FAM83B: variants seen among roughly 807,000 people sequenced by gnomAD.
FAM83B encodes scaffolding CK1 anchoring protein B, also known as protein FAM83B.
Under a neutral mutation model 38.8 loss-of-function variants are expected in FAM83B, and 26 were observed. The ratio of observed to expected loss-of-function variants is 0.67; its 90% CI spans 0.49 to 0.93. FAM83B has a LOEUF of 0.93. Ranked by LOEUF, FAM83B falls within the 40% of genes least tolerant of loss-of-function variation. FAM83B has a pLI of 0.00. For missense variants in FAM83B, 1,237 were observed against 1,197.3 expected, an observed-to-expected ratio of 1.03 and a Z score of -0.49; for synonymous variants, 419 against 423.1, an observed-to-expected ratio of 0.99 and a Z score of 0.12.
chr6:54,879,501 G>A (rs769331967), intron 2 of FAM83B, among the ~76,000 whole-genome samples: 4 of 152,154 alleles, frequency 2.6e-5, no homozygotes, highest in Non-Finnish European at 4.4e-5. Flanking sequence ...AAGGGGTCAC[G>A]TAGGAGGTCC....
At chr6:54,935,522 G>A (rs1461909775) in intron 4 of FAM83B, among the ~76,000 whole-genome samples, 2 of 152,124 alleles carry the variant, frequency 1.3e-5, no homozygotes, top group African/African-American at 4.8e-5. Flanking sequence ...AAAGGCCAGT[G>A]TGGTAGGACC....
intron 2 of FAM83B, among the ~76,000 whole-genome samples, chr6:54,915,453 G>T (rs894704896): frequency 2.6e-5 from 4 of 152,008 alleles, no homozygotes. Context: ...CGCCATCCAC[G>T]TTGGCATCTC....
At position 54,870,587 on chromosome 6, in the gene FAM83B, G is replaced by A. The variant is rs541818454; in HGVS notation, c.341G>A (p.Gly114Glu). 3 of 1,613,946 alleles carry A rather than the reference G, an allele frequency of 1.9e-6. No homozygotes were observed. Among genetic ancestry groups the A allele is most frequent in the South Asian group, 2.2e-5 (2 of 91,082 alleles). ...TTAGGCTGGCCATATGTGATGCCCG[G>A]ACTCTTAGGGGGCACCCATATAGAT... is the stretch of plus-strand genomic sequence containing the variant. ...LDLGWPYVMP[G>E]LLGGTHIDLL... Residue 114 changes from glycine to glutamate, a missense_variant, in exon 2 of 5, where the codon GGA becomes GAA. Physicochemically the swap from Gly to Glu is moderately conservative, Grantham distance 98. Coordinates refer to ENST00000306858, the MANE Select transcript of FAM83B (RefSeq NM_001010872.3).
chr6:54,873,675 A>G (rs1771918974), intron 2 of FAM83B, among the ~76,000 whole-genome samples: 1 of 145,488 alleles, frequency 6.9e-6, no homozygotes, highest in Non-Finnish European at 1.5e-5. Context: ...GATAATGTAT[A>G]TTTTAATGGA....
In FAM83B at chr6:54,940,835, G is replaced by A; in HGVS notation, c.1864G>A (p.Val622Ile). 3 of 1,613,980 alleles carry A rather than the reference G, an allele frequency of 1.9e-6. No homozygotes were observed. The highest frequency in any genetic ancestry group is 2.5e-6 in the Non-Finnish European group (3 of 1,179,992). The change falls in exon 5 of 5, where the codon GTA becomes ATA. Residue 622 changes from valine (V) to isoleucine (I), a missense_variant. Transcript: ENST00000306858. ...CTTGCAGGTTCCTGAAAACCACTCA[G>A]TAGCCTTAAACCAAACTACAAATGG... ...HTLQVPENHS[V>I]ALNQTTNGHT...
At chr6:54,881,559 C>A (rs1772132543) in intron 2 of FAM83B, among the ~76,000 whole-genome samples, 1 of 151,516 alleles carries the variant, frequency 6.6e-6, no homozygotes, top group South Asian at 2.1e-4. Context: ...AATCTATAAT[C>A]ATAAAAAAAA....
chr6:54,855,276 G>T (rs1771422540), intron 1 of FAM83B, among the ~76,000 whole-genome samples: 1 of 152,120 alleles, frequency 6.6e-6, no homozygotes, highest in Non-Finnish European at 1.5e-5. Context: ...CTCTCATGCA[G>T]AAAAGTTCAG....
chr6:54,893,006 T>C (rs1772441365), intron 2 of FAM83B, among the ~76,000 whole-genome samples: 1 of 152,060 alleles, frequency 6.6e-6, no homozygotes, highest in African/African-American at 2.4e-5. Context: ...ATATAGAGGC[T>C]GTTGGGGTGA....
Position 54,941,503 on chromosome 6 carries a change from G to A in FAM83B, c.2532G>A (p.Lys844=), listed in dbSNP as rs1773693616. The change falls in exon 5 of 5, where the codon AAG becomes AAA. Residue 844 remains lysine, a synonymous_variant. Coordinates refer to ENST00000306858, the MANE Select transcript of FAM83B (RefSeq NM_001010872.3). ...SSSNSQGSIH[K]SKEDVTVSPS... is the part of the protein sequence containing the mutation. ...CGAATTCTCAAGGCAGCATCCACAAGAGTAAGGAAGATGTAACAGTTAGCC... is the reference window on the plus strand; with the variant it reads ...CGAATTCTCAAGGCAGCATCCACAAAAGTAAGGAAGATGTAACAGTTAGCC... 1.2e-6 allele frequency: 2 copies of A among 1,613,888 alleles called. No individual in the cohort carries two copies. The highest frequency in any genetic ancestry group is 2.7e-5 in the African/African-American group (2 of 74,910).
chr6:54,907,417 T>C (rs937512785), intron 2 of FAM83B, among the ~76,000 whole-genome samples: 2 of 148,670 alleles, frequency 1.3e-5, no homozygotes, highest in African/African-American at 2.5e-5. Context: ...ATTCAGTGAG[T>C]AAGTTTTTGA....
At chr6:54,847,721 T>C (rs1278608891) in intron 1 of FAM83B, among the ~76,000 whole-genome samples, 4 of 152,058 alleles carry the variant, frequency 2.6e-5, no homozygotes, top group Non-Finnish European at 4.4e-5. Context: ...AGCGCTTTCT[T>C]TATAGGAGGA....
In FAM83B at chr6:54,876,713, C is replaced by G. The variant is rs184385390; in HGVS notation, c.444+6023C>G. On this transcript the variant is annotated intron_variant, in intron 2 of 4. Transcript: ENST00000306858. ...TTTAGTATTTTTAAATTCTCTCTCT[C>G]TCTCTTTAAATATATATATATAAAA... Among the ~76,000 whole-genome samples the G allele has an allele frequency of 2.5e-3, 376 of 152,144 alleles. 2 individuals carry two copies. Among genetic ancestry groups the G allele is most frequent in the African/African-American group, 8.6e-3 (357 of 41,510 alleles).
chr6:54,935,583 G>A (rs928649856), intron 4 of FAM83B, among the ~76,000 whole-genome samples: 1 of 152,072 alleles, frequency 6.6e-6, no homozygotes, highest in Admixed American at 6.6e-5. Context: ...AGCAGGCAGG[G>A]TAGGAATTAT....
chr6:54,915,501 C>T (rs962048713), intron 2 of FAM83B, among the ~76,000 whole-genome samples: 1 of 152,108 alleles, frequency 6.6e-6, no homozygotes, highest in African/African-American at 2.4e-5. Flanking sequence ...ACTCCTCTAC[C>T]TACTGGTAGA....
intron 1 of FAM83B, among the ~76,000 whole-genome samples, chr6:54,855,796 G>A (rs944523996): frequency 4.6e-5 from 7 of 152,164 alleles, no homozygotes; most frequent in African/African-American, 1.7e-4. Flanking sequence ...CTAAGTATGT[G>A]TGTGGATGTA....
At chr6:54,928,226 G>T (rs528899295) in intron 4 of FAM83B, among the ~76,000 whole-genome samples, 1 of 152,100 alleles carries the variant, frequency 6.6e-6, no homozygotes, top group South Asian at 2.1e-4. Context: ...TGAACTGCTA[G>T]GTCACTGAGG....
At chr6:54,930,674 A>G (rs1388460724) in intron 4 of FAM83B, among the ~76,000 whole-genome samples, 7 of 152,090 alleles carry the variant, frequency 4.6e-5, no homozygotes, top group Non-Finnish European at 1.0e-4. Context: ...ATTATTAGTC[A>G]CATTCTTTTC....
chr6:54,880,152 G>A (rs187470182), intron 2 of FAM83B, among the ~76,000 whole-genome samples: 2 of 152,292 alleles, frequency 1.3e-5, no homozygotes, highest in African/African-American at 4.8e-5. Context: ...ACAGATGGGG[G>A]GAAAAGCCCA....
chr6:54,937,514 T>G (rs1773550165), intron 4 of FAM83B, among the ~76,000 whole-genome samples: 1 of 152,082 alleles, frequency 6.6e-6, no homozygotes, highest in South Asian at 2.1e-4. Context: ...CAAATCCTGT[T>G]TACAGCTCTT....
Sources: allele counts gnomAD v4.1 joint callset (sites outside exome capture counted in the v4.1 genomes callset), GRCh38; gene constraint gnomAD v4.1.1; transcripts MANE v1.5; gene names NCBI Gene and HGNC (gene_info 2026-07-23, HGNC 2026-07-21).